The following FRMD3 variants were observed in gnomAD, a reference collection of about 807,000 sequenced individuals.
FRMD3 encodes the protein FERM domain-containing protein 3.
A neutral mutation model predicts 70.2 loss-of-function variants in FRMD3; 33 were observed. The ratio of observed to expected loss-of-function variants is 0.47; its 90% confidence interval spans 0.36 to 0.63. The LOEUF is 0.63. FRMD3 is among the 20% of genes least tolerant of loss of function. FRMD3 has a pLI of 0.00. For synonymous variants in FRMD3, 279 were observed against 255.9 expected, an observed-to-expected ratio of 1.09 and a Z score of -0.86; for missense variants, 632 against 711.4, an observed-to-expected ratio of 0.89 and a Z score of 1.27.
At chr9:83,442,509 C>T (rs1320251497) in intron 1 of FRMD3, among the ~76,000 whole-genome samples, 1 of 151,968 alleles carries the variant, frequency 6.6e-6, no homozygotes, top group Non-Finnish European at 1.5e-5. Flanking sequence ...CCACCCACCT[C>T]GGCCTCCCAA....
chr9:83,573,252 G>A, the FRMD3 span, among the ~76,000 whole-genome samples: 1 of 152,144 alleles, frequency 6.6e-6, no homozygotes, highest in Non-Finnish European at 1.5e-5. Flanking sequence ...GAAGAAAGAG[G>A]AAGATGGGAA....
chr9:83,388,942 C>CTTTT (rs554000690), intron 2 of FRMD3, among the ~76,000 whole-genome samples: 60 of 117,146 alleles, frequency 5.1e-4, no homozygotes, highest in African/African-American at 1.8e-3. Flanking sequence ...CTACCAATAG[C>CTTTT]TTTTTTTTTT....
intron 10 of FRMD3, 101 bp downstream of exon 10, chr9:83,309,435 A>T: frequency 1.5e-6 from 1 of 680,450 alleles, no homozygotes; most frequent in Non-Finnish European, 2.5e-6. Flanking sequence ...TATAACTTTT[A>T]AAACTGTATT....
chr9:83,430,255 AC>A (rs1455075707), intron 1 of FRMD3, among the ~76,000 whole-genome samples: 5 of 151,432 alleles, frequency 3.3e-5, no homozygotes, highest in Non-Finnish European at 7.4e-5. Context: ...CTAAAACACA[AC>A]CCTTGTCCCA....
chr9:83,564,225 AAATAAT>A, the FRMD3 span, among the ~76,000 whole-genome samples: 1 of 151,640 alleles, frequency 6.6e-6, no homozygotes, highest in Admixed American at 6.6e-5. Context: ...AGCCAATTTA[AAATAAT>A]AATAATAATA....
the FRMD3 span, among the ~76,000 whole-genome samples, chr9:83,561,775 A>G: frequency 2.0e-5 from 3 of 152,228 alleles, no homozygotes; most frequent in South Asian, 4.1e-4. Flanking sequence ...TGAATAGGGT[A>G]GGGAAATAGA....
At chr9:83,393,694 C>T (rs1825731604) in intron 1 of FRMD3, among the ~76,000 whole-genome samples, 1 of 151,968 alleles carries the variant, frequency 6.6e-6, no homozygotes, top group South Asian at 2.1e-4. Flanking sequence ...CTCACAATAG[C>T]TTTGCACTCC....
rs1832136022 is a variant in FRMD3 at position 83,246,972 on chromosome 9, T to G, written c.*946A>C. ...CTCCAGTTCCTATCTGCCTTCACTC[T>G]TGGGTTAATGTACATTGATATGCAA... On this transcript the variant is annotated 3_prime_UTR_variant, in exon 14 of 14. Coordinates refer to ENST00000304195, the MANE Select transcript of FRMD3 (RefSeq NM_174938.6). The G allele has an allele frequency of 1.0e-6, 1 of 985,468 alleles. No individual in the cohort carries two copies. Among genetic ancestry groups the G allele is most frequent in the South Asian group, 4.7e-5 (1 of 21,290 alleles). The allele number at this position is 985,468 out of a possible 1,614,324, so 61.0% of individuals were successfully genotyped here. A position where few individuals can be genotyped will look rare whatever the true frequency, so the allele number is the denominator to read the frequency against.
the FRMD3 span, among the ~76,000 whole-genome samples, chr9:83,546,824 G>A: frequency 1.4e-5 from 2 of 139,666 alleles, no homozygotes; most frequent in Admixed American, 8.0e-5. Context: ...CCCAGGAGGC[G>A]GAGGTTGCAC....
At chr9:83,580,737 A>C in the FRMD3 span, among the ~76,000 whole-genome samples, 1 of 152,160 alleles carries the variant, frequency 6.6e-6, no homozygotes, top group Non-Finnish European at 1.5e-5. Context: ...CGTATACTTC[A>C]AAATAACCAA....
chr9:83,344,596 T>C (rs1479795927), intron 4 of FRMD3, among the ~76,000 whole-genome samples: 1 of 152,152 alleles, frequency 6.6e-6, no homozygotes, highest in Non-Finnish European at 1.5e-5. Context: ...GGGACATCAA[T>C]CTTCTATCCT....
chr9:83,417,145 T>C (rs188652079), intron 1 of FRMD3, among the ~76,000 whole-genome samples: 1 of 152,362 alleles, frequency 6.6e-6, no homozygotes, highest in Admixed American at 6.5e-5. Context: ...GTTGAAAATA[T>C]CATTAGCTTT....
chr9:83,327,423 T>C (rs1836062900), intron 6 of FRMD3, among the ~76,000 whole-genome samples: 1 of 152,202 alleles, frequency 6.6e-6, no homozygotes, highest in Admixed American at 6.5e-5. Context: ...CTTTATAGCA[T>C]TCATGTGGAA....
chr9:83,324,923 C>A (rs534265192), intron 6 of FRMD3, among the ~76,000 whole-genome samples: 1 of 152,168 alleles, frequency 6.6e-6, no homozygotes, highest in Non-Finnish European at 1.5e-5. Context: ...ACATCATCAC[C>A]AATATCTTAT....
At chr9:83,514,079 A>G (rs1050066282) in intron 1 of FRMD3, among the ~76,000 whole-genome samples, 1 of 151,790 alleles carries the variant, frequency 6.6e-6, no homozygotes, top group African/African-American at 2.4e-5. Context: ...TTTTTTTCAT[A>G]CCCCAGTGGC....
At chr9:83,386,822 A>G (rs921322137) in intron 2 of FRMD3, among the ~76,000 whole-genome samples, 2 of 152,114 alleles carry the variant, frequency 1.3e-5, no homozygotes, top group Admixed American at 1.3e-4. Flanking sequence ...GTCTTTCATG[A>G]CCTCACACTT....
Position 83,247,247 on chromosome 9 carries a change from GATC to G in FRMD3, c.*668_*670del, listed in dbSNP as rs1832149220. On this transcript the variant is annotated 3_prime_UTR_variant, in exon 14 of 14. Coordinates refer to ENST00000304195, the MANE Select transcript of FRMD3 (RefSeq NM_174938.6). ...CTACCCATTTTCTATCTCCTATGCA[GATC>G]ATAACAAATTATGGTATTGTTCAGC... 3 of 985,126 alleles carry G rather than the reference GATC, an allele frequency of 3.0e-6. No homozygotes were observed. Among genetic ancestry groups the G allele is most frequent in the Non-Finnish European group, 3.6e-6 (3 of 829,836 alleles). 61.0% of individuals were successfully genotyped at this position (985,126 alleles called of 1,614,324 possible). A position where few individuals can be genotyped will look rare whatever the true frequency, so the allele number is the denominator to read the frequency against.
chr9:83,321,851 G>A (rs1332210663), intron 6 of FRMD3, among the ~76,000 whole-genome samples: 1 of 152,044 alleles, frequency 6.6e-6, no homozygotes, highest in South Asian at 2.1e-4. Flanking sequence ...TTGAATGGGG[G>A]TGCACTGATT....
chr9:83,518,401 A>T (rs1829499224), intron 1 of FRMD3, among the ~76,000 whole-genome samples: 1 of 152,186 alleles, frequency 6.6e-6, no homozygotes, highest in African/African-American at 2.4e-5. Flanking sequence ...TGCTACAAAG[A>T]AAATAACATA....
Sources: allele counts gnomAD v4.1 joint callset (sites outside exome capture counted in the v4.1 genomes callset), GRCh38; gene constraint gnomAD v4.1.1; transcripts MANE v1.5; gene names NCBI Gene and HGNC (gene_info 2026-07-23, HGNC 2026-07-21).